Variants in HOXA3 observed in about 807,000 individuals in gnomAD.
HOXA3 encodes the protein homeobox A3.
A neutral mutation model predicts 30.3 loss-of-function variants in HOXA3; 8 were observed. That is an observed-to-expected ratio of 0.26 (90% CI 0.15 to 0.48). The LOEUF is 0.48. HOXA3 is among the 20% of genes least tolerant of loss of function. HOXA3 has a pLI of 0.99. For synonymous variants in HOXA3, 323 were observed against 273.1 expected (o/e 1.18, Z -1.80); for missense variants, 653 against 614.4 (o/e 1.06, Z -0.66).
At chr7:27,139,757 C>G (rs1782468564) in intron 2 of HOXA3, among the ~76,000 whole-genome samples, 1 of 152,202 alleles carries the variant, frequency 6.6e-6, no homozygotes, top group African/African-American at 2.4e-5. Context: ...TGCGGCCCTG[C>G]CAGGTCCCCA....
chr7:27,142,003 G>A (rs140801231), intron 1 of HOXA3: 12 of 1,614,254 alleles, frequency 7.4e-6, no homozygotes, highest in Non-Finnish European at 1.0e-5. Flanking sequence ...AACGGTTGAA[G>A]TGGAACTCCT....
intron 2 of HOXA3, among the ~76,000 whole-genome samples, chr7:27,136,954 G>T (rs1007298864): frequency 3.3e-5 from 5 of 152,094 alleles, no homozygotes; most frequent in African/African-American, 1.2e-4. Flanking sequence ...CCATTGACTA[G>T]AAGGAAACTC....
chr7:27,130,475 C>A, intron 2 of HOXA3: 1 of 1,259,262 alleles, frequency 7.9e-7, no homozygotes, highest in Non-Finnish European at 1.0e-6. Context: ...TACAGCGCGG[C>A]AGCAGGGTAG....
chr7:27,107,876 G>C lies in HOXA3; in HGVS notation c.*39C>G, dbSNP rs776018013. 1.5e-6 allele frequency: 2 copies of C among 1,313,588 alleles called. No homozygotes were observed. Among genetic ancestry groups the C allele is most frequent in the Non-Finnish European group, 1.0e-6 (1 of 991,830 alleles). 81.4% of individuals were successfully genotyped at this position (1,313,588 alleles called of 1,614,324 possible). On this transcript the variant is annotated 3_prime_UTR_variant, in exon 6 of 6. Transcript: ENST00000612286. ...AAGCAACCAAAGAAAAAAGGTGGGT[G>C]GGGGGAGACTCTCCTGGCGCGTAGC...
chr7:27,142,666 C>T (rs1389120238), intron 1 of HOXA3: 1 of 245,588 alleles, frequency 4.1e-6, no homozygotes, highest in Non-Finnish European at 7.7e-6. Flanking sequence ...CAGCGTAGCC[C>T]TCCTCATAAA....
At chr7:27,147,975 C>CCCGCCCG (rs1336741575) in intron 1 of HOXA3, among the ~76,000 whole-genome samples, 4 of 152,194 alleles carry the variant, frequency 2.6e-5, no homozygotes, top group African/African-American at 7.2e-5. Context: ...CCCCAGCCCG[C>CCCGCCCG]CCGCCCGCCG....
At chr7:27,114,852 ATT>A (rs1491523769) in intron 4 of HOXA3, among the ~76,000 whole-genome samples, 2 of 109,306 alleles carry the variant, frequency 1.8e-5, no homozygotes, top group Non-Finnish European at 3.8e-5. Context: ...TATAATATAT[ATT>A]ATATATATAA....
intron 5 of HOXA3, among the ~76,000 whole-genome samples, chr7:27,109,014 C>A (rs1248835664): frequency 6.6e-6 from 1 of 152,128 alleles, no homozygotes; most frequent in Non-Finnish European, 1.5e-5. Context: ...CTTTCTGACT[C>A]ATTTACTGGT....
At position 27,110,620 on chromosome 7, in the gene HOXA3, G is replaced by A; in HGVS notation, c.21C>T (p.Tyr7=). Reference sequence around the variant, plus strand: ...AGCCACCGTAGATCGCCGAGCTGTCGTAGTAGGTCGCTTTTTGCATCGCGT... The same window carrying A: ...AGCCACCGTAGATCGCCGAGCTGTCATAGTAGGTCGCTTTTTGCATCGCGT... The part of the protein sequence containing the change: MQKATY[Y]DSSAIYGGYP... Residue 7 remains tyrosine, a synonymous_variant, in exon 5 of 6, where the codon TAC becomes TAT. Transcript: ENST00000612286. 2 of 1,604,534 alleles carry A rather than the reference G, an allele frequency of 1.2e-6. No individual in the cohort carries two copies. The highest frequency in any genetic ancestry group is 1.7e-5 in the Admixed American group (1 of 59,830).
At chr7:27,147,383 G>A in intron 1 of HOXA3, 1 of 1,614,186 alleles carries the variant, frequency 6.2e-7, no homozygotes, top group Non-Finnish European at 8.5e-7. Context: ...TCGTCATGGA[G>A]TGCTTTGCCC....
At chr7:27,118,043 AAG>A (rs1319961255) in intron 4 of HOXA3, among the ~76,000 whole-genome samples, 2 of 152,212 alleles carry the variant, frequency 1.3e-5, no homozygotes, top group African/African-American at 4.8e-5. Flanking sequence ...GAAACAAAGG[AAG>A]AGAGAGGCTG....
In HOXA3 at chr7:27,110,389, G is replaced by A. The variant is rs762990429; in HGVS notation, c.252C>T (p.Ser84=). Residue 84 remains serine (S), a synonymous_variant, in exon 5 of 6, where the codon AGC becomes AGT. Transcript: ENST00000612286. The part of the protein sequence containing the change: ...TLSAPPSQPP[S]LGEPPLHPPP... Reference sequence around the variant, plus strand: ...GCGGGTGCAGGGGCGGCTCTCCCAGGCTTGGAGGCTGGCTAGGTGGGGCGC... The same window carrying A: ...GCGGGTGCAGGGGCGGCTCTCCCAGACTTGGAGGCTGGCTAGGTGGGGCGC... 1.3e-6 allele frequency: 2 copies of A among 1,526,800 alleles called. No homozygotes were observed. The highest frequency in any genetic ancestry group is 8.8e-7 in the Non-Finnish European group (1 of 1,140,658). 94.6% of individuals were successfully genotyped at this position (1,526,800 alleles called of 1,614,324 possible).
At chr7:27,122,368 T>C (rs1785059960) in intron 4 of HOXA3, 191 bp downstream of exon 4, 1 of 152,228 alleles carries the variant, frequency 6.6e-6, no homozygotes, top group Non-Finnish European at 1.5e-5. Flanking sequence ...GTAGGCTCTT[T>C]GTCTGCCTGA....
intron 2 of HOXA3, among the ~76,000 whole-genome samples, chr7:27,131,331 A>G (rs1212447397): frequency 1.3e-5 from 2 of 151,888 alleles, no homozygotes; most frequent in Non-Finnish European, 2.9e-5. Context: ...CACCAGACAC[A>G]TTTTCTCAAC....
chr7:27,117,074 C>G (rs191602419), intron 4 of HOXA3, among the ~76,000 whole-genome samples: 7 of 152,324 alleles, frequency 4.6e-5, no homozygotes, highest in Admixed American at 3.3e-4. Flanking sequence ...CTGCACCTTT[C>G]CAGGGAGTTC....
chr7:27,132,811 C>T (rs752679917), intron 2 of HOXA3, among the ~76,000 whole-genome samples: 3 of 152,094 alleles, frequency 2.0e-5, no homozygotes, highest in Admixed American at 2.0e-4. Flanking sequence ...AATCTGAACC[C>T]TATAAGTTTC....
rs1784092991 is a variant in HOXA3, at chr7:27,107,787, G to A, written c.*128C>T. 3.1e-6 allele frequency: 2 copies of A among 639,216 alleles called. No individual in the cohort carries two copies. Among genetic ancestry groups the A allele is most frequent in the Non-Finnish European group, 5.1e-6 (2 of 392,890 alleles). 39.6% of individuals were successfully genotyped at this position (639,216 alleles called of 1,614,324 possible). A position where few individuals can be genotyped will look rare whatever the true frequency, so the allele number is the denominator to read the frequency against. ...GGGGAAACCGGGAAACGGAGTGCGG[G>A]GCGGAGAAGAGAGAAAAGGAAGGAA... is the stretch of plus-strand genomic sequence containing the variant. On this transcript the variant is annotated 3_prime_UTR_variant, in exon 6 of 6. Coordinates refer to ENST00000612286, the MANE Select transcript of HOXA3 (RefSeq NM_153631.3).
Position 27,108,435 on chromosome 7 carries a change from G to A in HOXA3, c.812C>T (p.Pro271Leu), listed in dbSNP as rs779159425. The A allele has an allele frequency of 1.9e-6, 3 of 1,613,878 alleles. No individual in the cohort carries two copies. The highest frequency in any genetic ancestry group is 1.7e-6 in the Non-Finnish European group (2 of 1,179,904). The part of the protein sequence containing the change: ...GQSPSRSPVP[P>L]GAGGYLNSMH... ...AGAGTTCAGATAGCCACCGGCTCCG[G>A]GGGGCACGGGGCTGCGACTTGGAGA... Residue 271 changes from proline (P) to leucine (L), a missense_variant, in exon 6 of 6, where the codon CCC becomes CTC. Physicochemically the swap from Pro to Leu is moderately conservative, Grantham distance 98 (BLOSUM62 -3). This residue lies in a region of HOXA3 where 330 missense variants were observed against 274.4 expected (regional missense o/e 1.20). Coordinates refer to ENST00000612286, the MANE Select transcript of HOXA3 (RefSeq NM_153631.3). The surrounding 1 kb of genome is among the most constrained non-coding windows in gnomAD (Gnocchi z 5.0).
At chr7:27,126,281 C>A (rs1361291191) in intron 3 of HOXA3, among the ~76,000 whole-genome samples, 1 of 152,124 alleles carries the variant, frequency 6.6e-6, no homozygotes, top group Non-Finnish European at 1.5e-5. Context: ...CGGAGTCATG[C>A]ACAACTTGGC....
Sources: gnomAD v4.1 joint callset for allele counts (sites outside exome capture counted in the v4.1 genomes callset) on GRCh38, gnomAD v4.1.1 for gene constraint, gnomAD v4.1.1 regional missense constraint, Gnocchi (gnomAD v3.1) non-coding constraint, MANE v1.5 for transcripts, NCBI Gene and HGNC (gene_info 2026-07-23, HGNC 2026-07-21) for gene names.